Variants in EBF1 observed in about 807,000 individuals in gnomAD.
EBF1 encodes transcription factor COE1.
Under a neutral mutation model 68.4 loss-of-function variants are expected in EBF1, and 10 were observed. The observed-to-expected ratio is 0.15, with a 90% confidence interval of 0.09 to 0.25. The LOEUF (loss-of-function observed/expected upper bound fraction) is 0.25, where lower values mean the gene tolerates loss of function less well. Ranked by LOEUF, EBF1 falls within the 10% of genes least tolerant of loss-of-function variation. The pLI, the probability that EBF1 is intolerant of heterozygous loss-of-function variation, is 1.00. For synonymous variants in EBF1, 298 were observed against 299.8 expected (o/e 0.99, Z 0.06); for missense variants, 509 against 794.4 (o/e 0.64, Z 4.32).
chr5:158,919,015 C>A (rs1807821859), intron 6 of EBF1, among the ~76,000 whole-genome samples: 1 of 152,192 alleles, frequency 6.6e-6, no homozygotes, highest in African/African-American at 2.4e-5. Context: ...GCCTAGAGTT[C>A]TTTGCAAATG....
At chr5:158,755,379 A>T (rs1318446328) in intron 10 of EBF1, among the ~76,000 whole-genome samples, 1 of 152,090 alleles carries the variant, frequency 6.6e-6, no homozygotes, top group African/African-American at 2.4e-5. Context: ...TTTCTACCAG[A>T]GCATTTTGTC....
intron 6 of EBF1, among the ~76,000 whole-genome samples, chr5:158,929,023 G>T (rs1810291666): frequency 6.6e-6 from 1 of 151,904 alleles, no homozygotes; most frequent in South Asian, 2.1e-4. Flanking sequence ...TTAGACACTG[G>T]GCTAGAGAAG....
chr5:158,946,174 C>A (rs1173432510), intron 6 of EBF1, among the ~76,000 whole-genome samples: 1 of 152,160 alleles, frequency 6.6e-6, no homozygotes, highest in Non-Finnish European at 1.5e-5. Flanking sequence ...CCTTCTGAAG[C>A]CTACTTCTGT....
At chr5:158,863,569 A>G (rs1795331232) in intron 6 of EBF1, among the ~76,000 whole-genome samples, 1 of 152,202 alleles carries the variant, frequency 6.6e-6, no homozygotes, top group Non-Finnish European at 1.5e-5. Flanking sequence ...AAATAAAGTA[A>G]CAAAGACCAA....
chr5:158,840,638 A>G (rs1278197920), intron 6 of EBF1, among the ~76,000 whole-genome samples: 1 of 122,138 alleles, frequency 8.2e-6, no homozygotes, highest in African/African-American at 3.0e-5. Flanking sequence ...CTTCTCAAAT[A>G]CCTCCTGTTT....
At chr5:158,793,583 T>C (rs1460968859) in intron 9 of EBF1, among the ~76,000 whole-genome samples, 1 of 152,166 alleles carries the variant, frequency 6.6e-6, no homozygotes, top group Admixed American at 6.5e-5. Context: ...ATAAAAAAAA[T>C]ATGGTATAGT....
intron 6 of EBF1, among the ~76,000 whole-genome samples, chr5:159,022,138 C>T (rs537031221): frequency 1.2e-4 from 18 of 151,366 alleles, no homozygotes; most frequent in African/African-American, 1.7e-4. Context: ...CTGATTGCCT[C>T]GCTCCTGACT....
intron 8 of EBF1, among the ~76,000 whole-genome samples, chr5:158,810,828 G>T (rs987376993): frequency 6.6e-6 from 1 of 151,998 alleles, no homozygotes; most frequent in Non-Finnish European, 1.5e-5. Context: ...TTTGTGTTTC[G>T]CTTTTCTTAT....
chr5:159,088,829 T>C (rs1781154166), intron 4 of EBF1, among the ~76,000 whole-genome samples: 1 of 152,126 alleles, frequency 6.6e-6, no homozygotes, highest in African/African-American at 2.4e-5. Context: ...TAAAATATAT[T>C]ATTTAAGTAA....
chr5:159,044,473 C>A (rs950128929), intron 6 of EBF1, among the ~76,000 whole-genome samples: 1 of 152,126 alleles, frequency 6.6e-6, no homozygotes, highest in Non-Finnish European at 1.5e-5. Context: ...AGAATCCTAG[C>A]TGGTGTGTAG....
chr5:159,076,124 C>T (rs1409439554), intron 5 of EBF1, among the ~76,000 whole-genome samples: 3 of 151,854 alleles, frequency 2.0e-5, no homozygotes, highest in Non-Finnish European at 2.9e-5. Flanking sequence ...CTTTCTCCCT[C>T]TTCTTATTCT....
chr5:158,880,894 G>A (rs534003028), intron 6 of EBF1, among the ~76,000 whole-genome samples: 16 of 152,254 alleles, frequency 1.1e-4, no homozygotes, highest in Admixed American at 2.0e-4. Flanking sequence ...AAATCACTAA[G>A]GTGGAAATGT....
intron 6 of EBF1, among the ~76,000 whole-genome samples, chr5:158,868,908 T>C (rs1489367023): frequency 6.6e-6 from 1 of 152,176 alleles, no homozygotes; most frequent in Non-Finnish European, 1.5e-5. Context: ...AGATTCAAAA[T>C]GACTTCATAG....
chr5:158,746,786 T>C (rs906575038), intron 10 of EBF1, among the ~76,000 whole-genome samples: 1 of 152,178 alleles, frequency 6.6e-6, no homozygotes, highest in Non-Finnish European at 1.5e-5. Flanking sequence ...ATATGTGAGA[T>C]ATTGTTGCTG....
chr5:158,916,979 C>A (rs1376798577), intron 6 of EBF1, among the ~76,000 whole-genome samples: 1 of 152,126 alleles, frequency 6.6e-6, no homozygotes. Context: ...TCTTGAAAAC[C>A]ATTTATTTAG....
intron 6 of EBF1, among the ~76,000 whole-genome samples, chr5:158,939,889 C>CTTTATT (rs756461225): frequency 6.6e-6 from 1 of 152,110 alleles, no homozygotes; most frequent in Non-Finnish European, 1.5e-5. Context: ...CTAACAAACA[C>CTTTATT]CATGGATTAT....
intron 7 of EBF1, among the ~76,000 whole-genome samples, chr5:158,836,791 T>C (rs565542176): frequency 2.0e-5 from 3 of 152,316 alleles, no homozygotes; most frequent in Admixed American, 6.5e-5. Flanking sequence ...CAAAGCAGGT[T>C]AAACCTGAGA....
At chr5:158,797,752 A>C (rs890348147) in intron 8 of EBF1, among the ~76,000 whole-genome samples, 2 of 152,198 alleles carry the variant, frequency 1.3e-5, no homozygotes, top group African/African-American at 4.8e-5. Context: ...TGCACAGAGA[A>C]ATTTGGAAAT....
At chr5:158,847,001 G>T (rs1327840047) in intron 6 of EBF1, among the ~76,000 whole-genome samples, 2 of 152,186 alleles carry the variant, frequency 1.3e-5, no homozygotes, top group Non-Finnish European at 1.5e-5. Flanking sequence ...GTACCGAGTT[G>T]TGGCACTATC....
Sources: gnomAD v4.1 joint callset for allele counts (sites outside exome capture counted in the v4.1 genomes callset) on GRCh38, gnomAD v4.1.1 for gene constraint, MANE v1.5 for transcripts, NCBI Gene and HGNC (gene_info 2026-07-23, HGNC 2026-07-21) for gene names.